SHROOM3: variants seen among roughly 807,000 people sequenced by gnomAD.
SHROOM3 encodes shroom family member 3.
In SHROOM3, 47 loss-of-function variants were observed where a neutral mutation model predicts 138.6. That is an observed-to-expected ratio of 0.34 (90% CI 0.27 to 0.43). The LOEUF (loss-of-function observed/expected upper bound fraction) is 0.43. Among genes scored for constraint, SHROOM3 ranks in the 20% least tolerant of loss-of-function variants. The probability of loss-of-function intolerance (pLI) is 1.00; values close to 1 mark genes in which losing one functional copy is unlikely to be tolerated. For synonymous variants in SHROOM3, 1,062 were observed against 1,063.3 expected, an observed-to-expected ratio of 1.00 and a Z score of 0.02; for missense variants, 2,491 against 2,596.5, an observed-to-expected ratio of 0.96 and a Z score of 0.88.
intron 1 of SHROOM3, among the ~76,000 whole-genome samples, chr4:76,463,886 C>T (rs1416033266): frequency 6.6e-6 from 1 of 152,240 alleles, no homozygotes; most frequent in Non-Finnish European, 1.5e-5. Flanking sequence ...ACCTAGAGTT[C>T]AGAGTGTGTA....
At chr4:76,768,103 C>T (rs751268506) in intron 9 of SHROOM3, among the ~76,000 whole-genome samples, 9 of 152,182 alleles carry the variant, frequency 5.9e-5, no homozygotes, top group Non-Finnish European at 7.3e-5. Context: ...ATGTACCCTT[C>T]GAGTTAAAAA....
rs974967071 is a variant in SHROOM3 at position 76,782,485 on chromosome 4, T to C, written c.*3308T>C. The C allele has an allele frequency of 3.3e-5, 5 of 152,234 alleles. No homozygotes were observed. The highest frequency in any genetic ancestry group is 3.3e-4 in the Admixed American group (5 of 15,290). The allele number at this position is 152,234 out of a possible 1,614,324, so 9.4% of individuals were successfully genotyped here. The stretch of plus-strand genomic sequence containing the variant: ...ATAATTCATGAGTTTAAATGGTAAA[T>C]ATATGCTTTAAGCTCTACCTTTAAA... On this transcript the variant is annotated 3_prime_UTR_variant, in exon 11 of 11. Transcript: ENST00000296043.
At chr4:76,691,410 G>A (rs1420933625) in intron 2 of SHROOM3, among the ~76,000 whole-genome samples, 1 of 152,116 alleles carries the variant, frequency 6.6e-6, no homozygotes, top group Non-Finnish European at 1.5e-5. Context: ...TGTGACCTGG[G>A]ACCAAAGCAA....
chr4:76,513,695 A>G lies in SHROOM3; in HGVS notation c.169-41914A>G, dbSNP rs184623542. Among the ~76,000 whole-genome samples the G allele has an allele frequency of 3.9e-5, 6 of 152,356 alleles. No homozygotes were observed. The East Asian group carries it at 1.2e-3, about 29-fold the overall frequency. On this transcript the variant is annotated intron_variant, in intron 1 of 10. Coordinates refer to ENST00000296043, the MANE Select transcript of SHROOM3 (RefSeq NM_020859.4). ...GAAACAAGAACTGGGTAATTGCGGC[A>G]GAAAAGCCTTTAAAAGAAAATGACT...
At chr4:76,527,530 C>A (rs996781695) in intron 1 of SHROOM3, among the ~76,000 whole-genome samples, 2 of 152,194 alleles carry the variant, frequency 1.3e-5, no homozygotes, top group Admixed American at 6.5e-5. Flanking sequence ...TTGCAGTAAG[C>A]CGAGATCGTG....
At chr4:76,748,122 G>GT (rs1721502626) in intron 5 of SHROOM3, among the ~76,000 whole-genome samples, 1 of 152,256 alleles carries the variant, frequency 6.6e-6, no homozygotes, top group African/African-American at 2.4e-5. Flanking sequence ...TCAGGGGTTT[G>GT]TTTCTTCTGC....
intron 1 of SHROOM3, among the ~76,000 whole-genome samples, chr4:76,467,623 C>A (rs1731274956): frequency 6.6e-6 from 1 of 152,154 alleles, no homozygotes; most frequent in East Asian, 1.9e-4. Flanking sequence ...TTTTGCCAGT[C>A]CTAACCAGAG....
intron 2 of SHROOM3, among the ~76,000 whole-genome samples, chr4:76,612,657 G>T (rs997685107): frequency 2.0e-5 from 3 of 152,078 alleles, no homozygotes; most frequent in African/African-American, 7.2e-5. Context: ...TTAAAAAGTA[G>T]GCTGGGCATG....
chr4:76,610,901 C>T (rs747501269), intron 2 of SHROOM3, among the ~76,000 whole-genome samples: 20 of 152,214 alleles, frequency 1.3e-4, no homozygotes, highest in South Asian at 4.1e-4. Flanking sequence ...CAATTGGTGA[C>T]GAGAGGGGCT....
chr4:76,462,855 G>A (rs1731171294), intron 1 of SHROOM3, among the ~76,000 whole-genome samples: 1 of 152,158 alleles, frequency 6.6e-6, no homozygotes, highest in Non-Finnish European at 1.5e-5. Context: ...GCCCAGCCAT[G>A]CTTCCCATGT....
In SHROOM3 at chr4:76,741,010, T is replaced by C. The variant is rs779114619; in HGVS notation, c.2837T>C (p.Leu946Pro). The change falls in exon 5 of 11, where the codon CTG becomes CCG. Residue 946 changes from leucine (L) to proline (P), a missense_variant. Coordinates refer to ENST00000296043, the MANE Select transcript of SHROOM3 (RefSeq NM_020859.4). This position sits in a 1 kb window ranked among gnomAD's most constrained non-coding sequence, Gnocchi z 6.2. The stretch of plus-strand genomic sequence containing the variant: ...GCCACCTCCTTTCGACGTCGAGACC[T>C]GGAGCTGGGGGCGCCCGTGGCGTCG... ...LGATSFRRRDLELGAPVASRS... is the reference protein window; with the variant it reads ...LGATSFRRRDPELGAPVASRS... 4 of 1,487,118 alleles carry C rather than the reference T, an allele frequency of 2.7e-6. No individual in the cohort carries two copies. In the African/African-American group the frequency reaches 4.3e-5, roughly 16 times the overall value. 92.1% of individuals were successfully genotyped at this position (1,487,118 alleles called of 1,614,324 possible).
chr4:76,444,574 G>GCAAC (rs1730767154), intron 1 of SHROOM3, among the ~76,000 whole-genome samples: 1 of 134,234 alleles, frequency 7.4e-6, no homozygotes, highest in Non-Finnish European at 1.5e-5. Context: ...TTGGCTCACT[G>GCAAC]CAACCTCCAC....
intron 2 of SHROOM3, among the ~76,000 whole-genome samples, chr4:76,706,104 T>TTTTTG (rs1354403643): frequency 1.2e-4 from 19 of 152,070 alleles, no homozygotes; most frequent in African/African-American, 2.9e-4. Flanking sequence ...AAAAGAATGG[T>TTTTTG]TTTTGTTTTG....
intron 2 of SHROOM3, among the ~76,000 whole-genome samples, chr4:76,611,874 C>G (rs571482926): frequency 4.6e-5 from 7 of 152,338 alleles, no homozygotes; most frequent in African/African-American, 1.7e-4. Flanking sequence ...CATCTTCACC[C>G]AGTGTCCGGA....
intron 2 of SHROOM3, among the ~76,000 whole-genome samples, chr4:76,669,960 T>C (rs1718829667): frequency 6.6e-6 from 1 of 152,226 alleles, no homozygotes; most frequent in South Asian, 2.1e-4. Context: ...AGGTAATCTT[T>C]CTCATCAAAA....
intron 1 of SHROOM3, among the ~76,000 whole-genome samples, chr4:76,454,201 A>G (rs1730982154): frequency 6.6e-6 from 1 of 151,926 alleles, no homozygotes; most frequent in Non-Finnish European, 1.5e-5. Flanking sequence ...CAACCACCAC[A>G]CCTGACTAAT....
At chr4:76,769,432 C>T (rs1266732138) in intron 9 of SHROOM3, among the ~76,000 whole-genome samples, 2 of 151,708 alleles carry the variant, frequency 1.3e-5, no homozygotes, top group Non-Finnish European at 2.9e-5. Flanking sequence ...TTACAAAAAC[C>T]GTGGAGTTTA....
intron 1 of SHROOM3, among the ~76,000 whole-genome samples, chr4:76,447,929 CAT>C (rs532141186): frequency 1.2e-3 from 182 of 152,234 alleles, no homozygotes; most frequent in African/African-American, 4.3e-3. Context: ...TGGGCCAACA[CAT>C]ATTGCAAATT....
At chr4:76,687,657 C>G (rs1719380672) in intron 2 of SHROOM3, among the ~76,000 whole-genome samples, 1 of 152,200 alleles carries the variant, frequency 6.6e-6, no homozygotes, top group African/African-American at 2.4e-5. Context: ...CGGATGATGC[C>G]TCTACATTGC....
Sources: allele counts gnomAD v4.1 joint callset (sites outside exome capture counted in the v4.1 genomes callset), GRCh38; gene constraint gnomAD v4.1.1; non-coding constraint Gnocchi (gnomAD v3.1); transcripts MANE v1.5; gene names NCBI Gene and HGNC (gene_info 2026-07-23, HGNC 2026-07-21).